The following PAN3 variants were observed in gnomAD, a reference collection of about 807,000 sequenced individuals.
PAN3 encodes PAN2-PAN3 deadenylation complex subunit PAN3.
In PAN3, 19 loss-of-function variants were observed where a neutral mutation model predicts 96.2. The ratio of observed to expected loss-of-function variants is 0.20; its 90% confidence interval spans 0.14 to 0.29. The LOEUF (loss-of-function observed/expected upper bound fraction) is 0.29, where lower values mean the gene tolerates loss of function less well. PAN3 is among the 10% of genes least tolerant of loss of function. PAN3 has a pLI of 1.00. For missense variants in PAN3, 882 were observed against 1,108.1 expected (o/e 0.80, Z 2.90); for synonymous variants, 433 against 406.6 (o/e 1.06, Z -0.78).
At chr13:28,291,951 A>T (rs1869808098) in intron 18 of PAN3, among the ~76,000 whole-genome samples, 1 of 152,102 alleles carries the variant, frequency 6.6e-6, no homozygotes, top group African/African-American at 2.4e-5. Context: ...TTTTTTTAAA[A>T]TTTTTTAAAA....
intron 6 of PAN3, among the ~76,000 whole-genome samples, chr13:28,238,817 T>C (rs1269805705): frequency 6.6e-6 from 1 of 152,104 alleles, no homozygotes; most frequent in Non-Finnish European, 1.5e-5. Flanking sequence ...TTCATAATAG[T>C]GTATTATAGA....
At chr13:28,191,702 T>G (rs564406619) in intron 4 of PAN3, among the ~76,000 whole-genome samples, 38 of 152,230 alleles carry the variant, frequency 2.5e-4, no homozygotes, top group Non-Finnish European at 5.0e-4. Flanking sequence ...ACAAATCTGA[T>G]TTTGTCATTT....
chr13:28,158,507 A>G (rs756441866), intron 1 of PAN3, among the ~76,000 whole-genome samples: 2 of 152,224 alleles, frequency 1.3e-5, no homozygotes, highest in Non-Finnish European at 2.9e-5. Flanking sequence ...AAACAACTCC[A>G]TTAAAAACTG....
intron 13 of PAN3, 50 bp from the exon 14 acceptor site, chr13:28,271,931 T>C: frequency 7.5e-7 from 1 of 1,326,526 alleles, no homozygotes. Context: ...GTATGCAATT[T>C]TTTAAAAACT....
In PAN3 at chr13:28,197,265, T is replaced by C. The variant is rs768033902; in HGVS notation, c.771T>C (p.Ile257=). The C allele has an allele frequency of 6.2e-7, 1 of 1,613,112 alleles. No homozygotes were observed. The highest frequency in any genetic ancestry group is 1.7e-5 in the Admixed American group (1 of 59,950). ...AGGCACGAAAAGCAAAGAACCCTATTGGCTGCCTTGCTGACAGGTGTAAAT... is the reference window on the plus strand; with the variant it reads ...AGGCACGAAAAGCAAAGAACCCTATCGGCTGCCTTGCTGACAGGTGTAAAT... The part of the protein sequence containing the change: ...GSKARKAKNP[I]GCLADRCKSG... The change falls in exon 5 of 19, where the codon ATT becomes ATC. Residue 257 remains isoleucine, a synonymous_variant. Transcript: ENST00000380958.
intron 1 of PAN3, among the ~76,000 whole-genome samples, chr13:28,165,711 T>C (rs1489996981): frequency 1.3e-5 from 2 of 152,170 alleles, no homozygotes; most frequent in Admixed American, 1.3e-4. Flanking sequence ...AACAGAAATT[T>C]ATTTCTCAGA....
intron 1 of PAN3, among the ~76,000 whole-genome samples, chr13:28,146,356 T>C (rs1415523121): frequency 6.6e-6 from 1 of 151,294 alleles, no homozygotes; most frequent in African/African-American, 2.4e-5. Context: ...AAAGAAAATA[T>C]TATAGGCTGG....
At chr13:28,207,036 C>T (rs868116727) in intron 5 of PAN3, among the ~76,000 whole-genome samples, 2 of 152,110 alleles carry the variant, frequency 1.3e-5, no homozygotes, top group Non-Finnish European at 2.9e-5. Context: ...GATCCTCCCC[C>T]TCTCACAGAG....
intron 4 of PAN3, among the ~76,000 whole-genome samples, chr13:28,193,734 C>CT (rs1877583240): frequency 1.0e-4 from 2 of 19,710 alleles, no homozygotes; most frequent in South Asian, 3.3e-3. Context: ...GAGACCCTGA[C>CT]TTAAAAAAAA....
In PAN3 at chr13:28,156,869, C is replaced by G. The variant is rs113776777; in HGVS notation, c.431-17403C>G. ...AATTAGCTGGGTGTGGTGGCACACA[C>G]CTGTAGTTCCAGCTACTTGAGAAGC... On this transcript the variant is annotated intron_variant, in intron 1 of 18. Transcript: ENST00000380958. 9.7e-3 allele frequency among the ~76,000 whole-genome samples: 1,474 copies of G among 151,860 alleles called. 18 individuals are homozygous for G. The highest frequency in any genetic ancestry group is 0.034 in the African/African-American group (1,408 of 41,418).
At chr13:28,174,475 A>G in intron 2 of PAN3, 82 bp downstream of exon 2, 6 of 1,447,220 alleles carry the variant, frequency 4.1e-6, no homozygotes, top group Non-Finnish European at 5.6e-6. Flanking sequence ...TTATTCCTAC[A>G]TTTGTTGAGT....
chr13:28,235,730 T>C (rs540272373), intron 6 of PAN3, among the ~76,000 whole-genome samples: 48 of 136,398 alleles, frequency 3.5e-4, no homozygotes, highest in African/African-American at 1.4e-3. Context: ...CACATATATA[T>C]ATATATGTAT....
chr13:28,185,958 A>C (rs1411442814), intron 4 of PAN3, among the ~76,000 whole-genome samples: 1 of 152,182 alleles, frequency 6.6e-6, no homozygotes, highest in Non-Finnish European at 1.5e-5. Context: ...AGGTATGGGG[A>C]ATGAATTAGT....
chr13:28,271,817 C>G (rs1034937435), intron 13 of PAN3, among the ~76,000 whole-genome samples, 164 bp from the exon 14 acceptor site: 5 of 152,208 alleles, frequency 3.3e-5, no homozygotes, highest in African/African-American at 1.2e-4. Context: ...TTAATTTTAC[C>G]ATTTCTAAAA....
intron 5 of PAN3, chr13:28,215,856 AAG>A: frequency 7.2e-7 from 1 of 1,386,436 alleles, no homozygotes; most frequent in Non-Finnish European, 1.0e-6. Flanking sequence ...TGGAGCTGGC[AAG>A]GTCACCAGGT....
chr13:28,254,767 G>T (rs750533383), intron 6 of PAN3, among the ~76,000 whole-genome samples: 39 of 151,918 alleles, frequency 2.6e-4, no homozygotes, highest in Admixed American at 3.9e-4. Context: ...GACATAACTC[G>T]AGAATTCCTA....
At chr13:28,243,689 T>C (rs1883892739) in intron 6 of PAN3, among the ~76,000 whole-genome samples, 1 of 152,154 alleles carries the variant, frequency 6.6e-6, no homozygotes, top group Non-Finnish European at 1.5e-5. Context: ...GTTTTGTTTT[T>C]GTTTTTGTTT....
rs527574191 is a variant in PAN3, at chr13:28,192,944, G to T, written c.691-4241G>T. 1.5e-4 allele frequency among the ~76,000 whole-genome samples: 23 copies of T among 152,038 alleles called. 2 individuals carry two copies. The South Asian group carries it at 4.8e-3, about 32-fold the overall frequency. On this transcript the variant is annotated intron_variant, in intron 4 of 18. Coordinates refer to ENST00000380958, the MANE Select transcript of PAN3 (RefSeq NM_175854.8). ...CTTTTCAGATGTTATTTTGTATTTT[G>T]TCGCTTATAATGGTACCTTAAATAG...
In PAN3 at chr13:28,197,194, T is replaced by TATC; in HGVS notation, c.701_703dup (p.Tyr234_Arg235insHis). On this transcript the variant is annotated inframe_insertion, in exon 5 of 19. Coordinates refer to ENST00000380958, the MANE Select transcript of PAN3 (RefSeq NM_175854.8). ...TCCTTCTTTTTCCTAGCCAAGGAAG[T>TATC]ATCGCCTGGGGATGCTGGAGGAGAG... 6.2e-7 allele frequency: 1 copy of TATC among 1,612,650 alleles called. No homozygotes were observed. The highest frequency in any genetic ancestry group is 8.5e-7 in the Non-Finnish European group (1 of 1,179,318).
Sources: gnomAD v4.1 joint callset for allele counts (sites outside exome capture counted in the v4.1 genomes callset) on GRCh38, gnomAD v4.1.1 for gene constraint, MANE v1.5 for transcripts, NCBI Gene and HGNC (gene_info 2026-07-23, HGNC 2026-07-21) for gene names.